The following FLVCR1 variants were observed in gnomAD, a reference collection of about 807,000 sequenced individuals.
FLVCR1 encodes choline/ethanolamine transporter FLVCR1.
FLVCR1 carries 34 observed loss-of-function variants against 53.6 expected under a neutral mutation model. The ratio of observed to expected loss-of-function variants is 0.63; its 90% confidence interval spans 0.48 to 0.84. The LOEUF is 0.84. Among genes scored for constraint, FLVCR1 ranks in the 40% least tolerant of loss-of-function variants. The pLI, the probability that FLVCR1 is intolerant of heterozygous loss-of-function variation, is 0.00. For missense variants in FLVCR1, 677 were observed against 696.7 expected (o/e 0.97, Z 0.32); for synonymous variants, 300 against 286.3 (o/e 1.05, Z -0.48).
chr1:212,859,429 T>A (rs1054868890), intron 1 of FLVCR1, among the ~76,000 whole-genome samples: 6 of 152,048 alleles, frequency 3.9e-5, no homozygotes, highest in Non-Finnish European at 5.9e-5. Flanking sequence ...TATAAAATAA[T>A]TAACTGGGCC....
At chr1:212,872,285 G>GT (rs1358891883) in intron 2 of FLVCR1, among the ~76,000 whole-genome samples, 1 of 151,954 alleles carries the variant, frequency 6.6e-6, no homozygotes, top group Non-Finnish European at 1.5e-5. Context: ...CAGCCTTCAT[G>GT]TTTATCTCTA....
chr1:212,858,366 G>C lies in FLVCR1; in HGVS notation c.-87G>C. 7.0e-6 allele frequency: 9 copies of C among 1,282,256 alleles called. No homozygotes were observed. The highest frequency in any genetic ancestry group is 9.3e-6 in the Non-Finnish European group (9 of 967,036). 79.4% of individuals were successfully genotyped at this position (1,282,256 alleles called of 1,614,324 possible). On this transcript the variant is annotated 5_prime_UTR_variant, in exon 1 of 10. Coordinates refer to ENST00000366971, the MANE Select transcript of FLVCR1 (RefSeq NM_014053.4). ...GGTGGGCCGAGGGGTTGGAGGTGGG[G>C]CCCCAGGAGGACCTCGGGCTGTGGG...
At chr1:212,885,786 T>C (rs1330621547) in intron 5 of FLVCR1, among the ~76,000 whole-genome samples, 1 of 151,862 alleles carries the variant, frequency 6.6e-6, no homozygotes, top group Non-Finnish European at 1.5e-5. Context: ...CTCCTGACCT[T>C]GTGATCCACC....
chr1:212,878,216 A>G (rs1272411309), intron 3 of FLVCR1, among the ~76,000 whole-genome samples: 1 of 152,016 alleles, frequency 6.6e-6, no homozygotes, highest in Non-Finnish European at 1.5e-5. Flanking sequence ...AAATAATACA[A>G]GAGAGACCAG....
In FLVCR1 at chr1:212,860,350, G is replaced by GTTTTTTTTTT. The variant is rs567270153; in HGVS notation, c.738+1169_738+1178dup. 2.7e-4 allele frequency among the ~76,000 whole-genome samples: 23 copies of GTTTTTTTTTT among 85,832 alleles called. 2 individuals carry two copies. The highest frequency in any genetic ancestry group is 4.1e-4 in the Non-Finnish European group (17 of 41,270). 56.3% of individuals were successfully genotyped at this position (85,832 alleles called of 152,430 possible). On this transcript the variant is annotated intron_variant, in intron 1 of 9. Coordinates refer to ENST00000366971, the MANE Select transcript of FLVCR1 (RefSeq NM_014053.4). The stretch of plus-strand genomic sequence containing the variant: ...TATTATAAAGTTTTTTGTGTGTGTG[G>GTTTTTTTTTT]TTTTTTTTTTTTTTTTTTGTAGAAA...
chr1:212,895,285 A>G lies in FLVCR1; in HGVS notation c.1663A>G (p.Ile555Val). ...VMLSKQSESA[I>V] ...GTTGTCCAAGCAGTCAGAATCAGCA[A>G]TTTGAAGAGAAAGGCAAAGTTACTG... Residue 555 changes from isoleucine (I) to valine (V), a missense_variant, in exon 10 of 10, where the codon ATT (isoleucine) becomes GTT (valine). Transcript: ENST00000366971. 6.2e-7 allele frequency: 1 copy of G among 1,612,524 alleles called. No individual in the cohort carries two copies. Among genetic ancestry groups the G allele is most frequent in the Non-Finnish European group, 8.5e-7 (1 of 1,178,588 alleles).
chr1:212,888,700 T>G, intron 7 of FLVCR1, 106 bp downstream of exon 7: 1 of 929,638 alleles, frequency 1.1e-6, no homozygotes, highest in Non-Finnish European at 1.7e-6. Context: ...GTTTTGTTTT[T>G]TGGAGACAGA....
chr1:212,881,291 ATTTC>A (rs1157873340), intron 3 of FLVCR1, among the ~76,000 whole-genome samples: 6 of 136,260 alleles, frequency 4.4e-5, no homozygotes, highest in Non-Finnish European at 7.8e-5. Context: ...TTCCCAAAGA[ATTTC>A]TTTGTCTTTT....
Position 212,858,324 on chromosome 1 carries a change from G to A in FLVCR1, c.-129G>A. ...GCGCGGATTGCGGTTCGCGGCGCGC[G>A]CCACCGGGGAAGGAGCGGTGGGCCG... On this transcript the variant is annotated 5_prime_UTR_variant, in exon 1 of 10. Transcript: ENST00000366971. 1 of 938,544 alleles carries A rather than the reference G, an allele frequency of 1.1e-6. No individual in the cohort carries two copies. Among genetic ancestry groups the A allele is most frequent in the South Asian group, 2.0e-5 (1 of 50,378 alleles). 58.1% of individuals were successfully genotyped at this position (938,544 alleles called of 1,614,324 possible).
intron 8 of FLVCR1, among the ~76,000 whole-genome samples, chr1:212,890,517 GT>G (rs1484887417): frequency 6.6e-6 from 1 of 152,040 alleles, no homozygotes; most frequent in African/African-American, 2.4e-5. Flanking sequence ...GTGAGTTTGT[GT>G]TAGGCCACAT....
chr1:212,864,947 T>C (rs998586645), intron 2 of FLVCR1, among the ~76,000 whole-genome samples: 1 of 152,182 alleles, frequency 6.6e-6, no homozygotes. Context: ...AGCAGAATGT[T>C]CTCTTGGTAA....
At chr1:212,880,669 G>A (rs2102560791) in intron 3 of FLVCR1, among the ~76,000 whole-genome samples, 1 of 152,136 alleles carries the variant, frequency 6.6e-6, no homozygotes, top group African/African-American at 2.4e-5. Flanking sequence ...GTGTTGGTGG[G>A]CACCTGTAAT....
rs1665388013 is a variant in FLVCR1, at chr1:212,898,200, A to G, written c.*2910A>G. The G allele has an allele frequency of 6.6e-6, 1 of 152,268 alleles. No individual in the cohort carries two copies. The highest frequency in any genetic ancestry group is 1.5e-5 in the Non-Finnish European group (1 of 68,050). 9.4% of individuals were successfully genotyped at this position (152,268 alleles called of 1,614,324 possible). Reference sequence around the variant, plus strand: ...ATCATGGAATAGACCAAATTATTGTATCACAGGAACTTGAATCCAGCCAGA... The same window carrying G: ...ATCATGGAATAGACCAAATTATTGTGTCACAGGAACTTGAATCCAGCCAGA... On this transcript the variant is annotated 3_prime_UTR_variant, in exon 10 of 10. Transcript: ENST00000366971.
intron 2 of FLVCR1, among the ~76,000 whole-genome samples, chr1:212,868,546 A>G (rs1664510095): frequency 6.6e-6 from 1 of 152,134 alleles, no homozygotes; most frequent in African/African-American, 2.4e-5. Context: ...AGTAGCTGGA[A>G]TTACAGGCGT....
rs1665329031 is a variant in FLVCR1 at position 212,896,131 on chromosome 1, T to TC, written c.*842dup. ...ATTGCCTTTTTTTTCTTTTAAACTCTCTTTTTTTTTTTTTCCTGATGTGTA... is the reference window on the plus strand; with the variant it reads ...ATTGCCTTTTTTTTCTTTTAAACTCTCCTTTTTTTTTTTTTCCTGATGTGTA... On this transcript the variant is annotated 3_prime_UTR_variant, in exon 10 of 10. Transcript: ENST00000366971. 1 of 150,662 alleles carries TC rather than the reference T, an allele frequency of 6.6e-6. No homozygotes were observed. Among genetic ancestry groups the TC allele is most frequent in the African/African-American group, 2.5e-5 (1 of 40,734 alleles). The allele number at this position is 150,662 out of a possible 1,614,324, so 9.3% of individuals were successfully genotyped here. A position where few individuals can be genotyped will look rare whatever the true frequency, so the allele number is the denominator to read the frequency against.
intron 8 of FLVCR1, among the ~76,000 whole-genome samples, chr1:212,894,561 G>A (rs1558123334): frequency 1.3e-5 from 2 of 152,136 alleles, no homozygotes; most frequent in African/African-American, 2.4e-5. Flanking sequence ...TGCTTGACAA[G>A]TTATTACTCA....
At chr1:212,877,588 A>G (rs1010193366) in intron 3 of FLVCR1, among the ~76,000 whole-genome samples, 24 of 151,674 alleles carry the variant, frequency 1.6e-4, no homozygotes, top group Admixed American at 1.3e-4. Flanking sequence ...TTGTAAATTT[A>G]AATTCCTTGT....
At chr1:212,886,060 T>TTA (rs1665056929) in intron 5 of FLVCR1, among the ~76,000 whole-genome samples, 1 of 149,838 alleles carries the variant, frequency 6.7e-6, no homozygotes, top group African/African-American at 2.5e-5. Context: ...TTTTTTTTTT[T>TTA]AGGTGGGGTC....
chr1:212,894,094 TAAGGCATGTA>T (rs1338063288), intron 8 of FLVCR1, among the ~76,000 whole-genome samples: 1 of 137,398 alleles, frequency 7.3e-6, no homozygotes, highest in Non-Finnish European at 1.6e-5. Context: ...GTTTTTAAAT[TAAGGCATGTA>T]GATTGATTTT....
Sources: allele counts gnomAD v4.1 joint callset (sites outside exome capture counted in the v4.1 genomes callset), GRCh38; gene constraint gnomAD v4.1.1; transcripts MANE v1.5; gene names NCBI Gene and HGNC (gene_info 2026-07-23, HGNC 2026-07-21).